Variants in RYR2 observed in about 807,000 individuals in gnomAD.
RYR2 encodes the protein ryanodine receptor 2.
RYR2 carries 227 observed loss-of-function variants against 601.1 expected under a neutral mutation model. The observed-to-expected ratio is 0.38, with a 90% CI of 0.34 to 0.42. The LOEUF is 0.42. Ranked by LOEUF, RYR2 falls within the 10% of genes least tolerant of loss-of-function variation. RYR2 has a pLI of 1.00. For synonymous variants in RYR2, 2,223 were observed against 2,175.1 expected (o/e 1.02, Z -0.61); for missense variants, 4,646 against 6,156.5 (o/e 0.75, Z 8.21).
chr1:237,125,104 G>C (rs566585529), intron 1 of RYR2, among the ~76,000 whole-genome samples: 33 of 152,266 alleles, frequency 2.2e-4, no homozygotes, highest in Non-Finnish European at 3.4e-4. Flanking sequence ...AGATAGAAAT[G>C]CTTGGTGGTT....
At chr1:237,462,325 C>T (rs1018916791) in intron 16 of RYR2, among the ~76,000 whole-genome samples, 6 of 152,058 alleles carry the variant, frequency 3.9e-5, no homozygotes, top group African/African-American at 7.2e-5. Flanking sequence ...ATTTTGCATT[C>T]GACATGGATA....
intron 2 of RYR2, among the ~76,000 whole-genome samples, chr1:237,278,768 C>A (rs892721965): frequency 6.6e-6 from 1 of 152,174 alleles, no homozygotes; most frequent in South Asian, 2.1e-4. Flanking sequence ...TGCTTACCAG[C>A]GATTATAGTG....
chr1:237,320,920 T>C (rs1344003268), intron 2 of RYR2, among the ~76,000 whole-genome samples: 1 of 151,312 alleles, frequency 6.6e-6, no homozygotes, highest in African/African-American at 2.4e-5. Context: ...ATTCTCTCTG[T>C]GTGTGTGTGT....
At chr1:237,809,996 G>A (rs914015808) in intron 100 of RYR2, among the ~76,000 whole-genome samples, 79 of 145,006 alleles carry the variant, frequency 5.4e-4, no homozygotes, top group African/African-American at 1.9e-3. Flanking sequence ...TGCCAACCTT[G>A]CTTTTTAAAT....
intron 1 of RYR2, among the ~76,000 whole-genome samples, chr1:237,204,405 G>T (rs189494519): frequency 1.3e-3 from 194 of 151,730 alleles, no homozygotes; most frequent in African/African-American, 4.6e-3. Context: ...GAATATACTA[G>T]AATTTATTTT....
chr1:237,361,646 T>C (rs569757753), intron 4 of RYR2, among the ~76,000 whole-genome samples: 22 of 152,330 alleles, frequency 1.4e-4, no homozygotes, highest in African/African-American at 5.1e-4. Flanking sequence ...CAGTTTCTTT[T>C]AAAAGTTCTA....
chr1:237,646,119 G>A (rs987564996), intron 48 of RYR2, among the ~76,000 whole-genome samples: 2 of 152,058 alleles, frequency 1.3e-5, no homozygotes, highest in Admixed American at 6.5e-5. Context: ...CCTCGTGATC[G>A]GCACATCTCG....
At chr1:237,462,628 TG>T (rs992340299) in intron 16 of RYR2, among the ~76,000 whole-genome samples, 1 of 152,186 alleles carries the variant, frequency 6.6e-6, no homozygotes, top group Admixed American at 6.6e-5. Context: ...TCTTTGAGTA[TG>T]GCCAAAATGA....
At chr1:237,662,470 C>T (rs1683895471) in intron 56 of RYR2, among the ~76,000 whole-genome samples, 1 of 132,730 alleles carries the variant, frequency 7.5e-6, no homozygotes, top group Non-Finnish European at 1.6e-5. Flanking sequence ...AGGCACTACA[C>T]AGTATAGAGA....
intron 2 of RYR2, among the ~76,000 whole-genome samples, chr1:237,294,901 A>G (rs1692602225): frequency 1.3e-5 from 2 of 152,136 alleles, no homozygotes; most frequent in African/African-American, 4.8e-5. Context: ...AGTGATATAA[A>G]TAAAATGATG....
At chr1:237,335,573 G>A (rs1278001872) in intron 3 of RYR2, among the ~76,000 whole-genome samples, 1 of 152,144 alleles carries the variant, frequency 6.6e-6, no homozygotes, top group Non-Finnish European at 1.5e-5. Flanking sequence ...AATACACGTT[G>A]AGTGTCCTTT....
intron 1 of RYR2, among the ~76,000 whole-genome samples, chr1:237,107,459 G>T (rs1024565169): frequency 1.6e-5 from 2 of 125,696 alleles, no homozygotes; most frequent in African/African-American, 5.7e-5. Flanking sequence ...GGTGGAGTTT[G>T]CAGTGAGCCG....
intron 12 of RYR2, among the ~76,000 whole-genome samples, chr1:237,430,344 GT>G (rs2150094588): frequency 6.6e-6 from 1 of 151,600 alleles, no homozygotes; most frequent in South Asian, 2.1e-4. Flanking sequence ...AACATTTTGA[GT>G]TGTAAATTGT....
At chr1:237,623,389 T>C (rs866744481) in intron 38 of RYR2, among the ~76,000 whole-genome samples, 10 of 132,488 alleles carry the variant, frequency 7.5e-5, no homozygotes, top group Middle Eastern at 3.5e-3. Flanking sequence ...CTTTCTTTTT[T>C]TTTTTTTTTT....
At chr1:237,502,498 G>A (rs1192844315) in intron 21 of RYR2, among the ~76,000 whole-genome samples, 1 of 152,114 alleles carries the variant, frequency 6.6e-6, no homozygotes, top group Non-Finnish European at 1.5e-5. Flanking sequence ...GGTTGAAGGT[G>A]GGGATGGTTT....
At position 237,506,790 on chromosome 1, in the gene RYR2, T is replaced by C; in HGVS notation, c.2694T>C (p.Ile898=). ...NIHELWVMNK[I]ELGWQYGPVR... ...ATGAACTCTGGGTTATGAATAAAATTGAGCTTGGCTGGCAGTATGGTCCGG... is the reference window on the plus strand; with the variant it reads ...ATGAACTCTGGGTTATGAATAAAATCGAGCTTGGCTGGCAGTATGGTCCGG... The change falls in exon 23 of 105, where the codon ATT becomes ATC. Residue 898 remains isoleucine, a synonymous_variant. Transcript: ENST00000366574. 6.2e-7 allele frequency: 1 copy of C among 1,613,720 alleles called. No homozygotes were observed. Among genetic ancestry groups the C allele is most frequent in the Non-Finnish European group, 8.5e-7 (1 of 1,179,688 alleles).
chr1:237,385,266 T>TTTTAC (rs1701876674), intron 8 of RYR2, among the ~76,000 whole-genome samples: 1 of 152,204 alleles, frequency 6.6e-6, no homozygotes, highest in South Asian at 2.1e-4. Context: ...TAAATATGTA[T>TTTTAC]ATATTTTACA....
At chr1:237,535,998 G>T (rs1222550828) in intron 25 of RYR2, among the ~76,000 whole-genome samples, 1 of 152,068 alleles carries the variant, frequency 6.6e-6, no homozygotes, top group East Asian at 1.9e-4. Flanking sequence ...TTCCTTTAAG[G>T]TTTAGGAATG....
intron 71 of RYR2, among the ~76,000 whole-genome samples, chr1:237,713,800 C>G (rs746192762): frequency 6.6e-6 from 1 of 152,042 alleles, no homozygotes; most frequent in Non-Finnish European, 1.5e-5. Context: ...TGGGTTTTGC[C>G]TGTTGCATTA....
Sources: allele counts gnomAD v4.1 joint callset (sites outside exome capture counted in the v4.1 genomes callset), GRCh38; gene constraint gnomAD v4.1.1; transcripts MANE v1.5; gene names NCBI Gene and HGNC (gene_info 2026-07-23, HGNC 2026-07-21).